The following VPS26A variants were observed in gnomAD, a reference collection of about 807,000 sequenced individuals.
VPS26A encodes the protein vacuolar protein sorting-associated protein 26A.
VPS26A carries 22 observed loss-of-function variants against 42.4 expected under a neutral mutation model. The observed-to-expected ratio is 0.52, with a 90% CI of 0.37 to 0.74. VPS26A has a LOEUF of 0.74. VPS26A is among the 30% of genes least tolerant of loss of function. The probability of loss-of-function intolerance (pLI) is 0.00; values close to 1 mark genes in which losing one functional copy is unlikely to be tolerated. For synonymous variants in VPS26A, 110 were observed against 123.5 expected (o/e 0.89, Z 0.73); for missense variants, 276 against 379.2 (o/e 0.73, Z 2.26).
At chr10:69,161,346 G>A (rs2132231843) in intron 5 of VPS26A, among the ~76,000 whole-genome samples, 1 of 152,254 alleles carries the variant, frequency 6.6e-6, no homozygotes, top group Admixed American at 6.5e-5. Flanking sequence ...ATAGGTGTGA[G>A]CCACTGAGCC....
intron 7 of VPS26A, among the ~76,000 whole-genome samples, 187 bp from the exon 8 acceptor site, chr10:69,168,302 C>T (rs955929316): frequency 3.9e-5 from 6 of 152,102 alleles, no homozygotes; most frequent in East Asian, 1.9e-4. Context: ...AGGATAGGAC[C>T]CTCCCCACAA....
intron 2 of VPS26A, among the ~76,000 whole-genome samples, chr10:69,155,348 C>T (rs1179484181): frequency 6.6e-6 from 1 of 152,150 alleles, no homozygotes; most frequent in Non-Finnish European, 1.5e-5. Context: ...AATTTCTGAG[C>T]ATTGTCCATA....
intron 4 of VPS26A, 114 bp from the exon 5 acceptor site, chr10:69,157,933 C>A: frequency 1.1e-6 from 1 of 906,726 alleles, no homozygotes; most frequent in Non-Finnish European, 1.6e-6. Flanking sequence ...AAGTTGATCC[C>A]AAAGGAGTTC....
In VPS26A at chr10:69,158,150, A is replaced by G. The variant is rs1167161130; in HGVS notation, c.490A>G (p.Ile164Val). 1.7e-5 allele frequency: 27 copies of G among 1,612,622 alleles called. No individual in the cohort carries two copies. The highest frequency in any genetic ancestry group is 2.7e-5 in the African/African-American group (2 of 74,892). Residue 164 changes from isoleucine (I) to valine (V), a missense_variant, in exon 5 of 9, where the codon ATT becomes GTT. By Grantham distance (29) the Ile-to-Val change is conservative (BLOSUM62 3). Coordinates refer to ENST00000263559, the MANE Select transcript of VPS26A (RefSeq NM_004896.5). ...LATYPDVNNS[I>V]KMEVGIEDCL... Reference sequence around the variant, plus strand: ...CACCTATCCTGATGTTAACAACTCTATTAAGATGGAAGTGGGCATTGAAGA... The same window carrying G: ...CACCTATCCTGATGTTAACAACTCTGTTAAGATGGAAGTGGGCATTGAAGA...
In VPS26A at chr10:69,171,384, A is replaced by T; in HGVS notation, c.*115A>T. The T allele has an allele frequency of 1.3e-6, 1 of 749,858 alleles. No individual in the cohort carries two copies. The highest frequency in any genetic ancestry group is 2.2e-6 in the Non-Finnish European group (1 of 449,454). The allele number at this position is 749,858 out of a possible 1,614,324, so 46.5% of individuals were successfully genotyped here. A position where few individuals can be genotyped will look rare whatever the true frequency, so the allele number is the denominator to read the frequency against. The stretch of plus-strand genomic sequence containing the variant: ...GCGGAAAAAGGCCAAAACTCCATAT[A>T]TGTTAGTCTTCCTTTATCTTACAGC... On this transcript the variant is annotated 3_prime_UTR_variant, in exon 9 of 9. Transcript: ENST00000263559.
intron 2 of VPS26A, among the ~76,000 whole-genome samples, chr10:69,152,655 G>C (rs1031595062): frequency 6.6e-6 from 1 of 152,092 alleles, no homozygotes; most frequent in Non-Finnish European, 1.5e-5. Context: ...GCTTTTAAAA[G>C]TTACATTACC....
intron 2 of VPS26A, among the ~76,000 whole-genome samples, chr10:69,151,285 A>AAAAAAAAAAAAAAC: frequency 7.6e-6 from 1 of 131,598 alleles, no homozygotes; most frequent in Non-Finnish European, 1.6e-5. Flanking sequence ...AAAAAAAAAC[A>AAAAAAAAAAAAAAC]CACACACACA....
At chr10:69,167,136 A>G (rs1280194134) in intron 7 of VPS26A, among the ~76,000 whole-genome samples, 1 of 150,668 alleles carries the variant, frequency 6.6e-6, no homozygotes, top group Non-Finnish European at 1.5e-5. Context: ...CAAAAAAAAA[A>G]AAAAATTCAG....
Position 69,143,669 on chromosome 10 carries a change from C to T in VPS26A, c.153+10622C>T, listed in dbSNP as rs1841093131. On this transcript the variant is annotated intron_variant, in intron 2 of 8. Coordinates refer to ENST00000263559, the MANE Select transcript of VPS26A (RefSeq NM_004896.5). ...TTCCTTTAGTTATTGTTCAAGAACC[C>T]TGGGTTTTGAGTCTTTATCACCCAG... Among the ~76,000 whole-genome samples, 3 of 152,072 alleles carry T rather than the reference C, an allele frequency of 2.0e-5. No individual in the cohort carries two copies. In the South Asian group the frequency reaches 6.2e-4, roughly 31 times the overall value.
intron 2 of VPS26A, among the ~76,000 whole-genome samples, chr10:69,136,274 T>C (rs111778890): frequency 2.6e-3 from 400 of 151,616 alleles, no homozygotes; most frequent in African/African-American, 7.9e-3. Flanking sequence ...CTTTTCTTTT[T>C]TTTTTTTTGA....
intron 1 of VPS26A, among the ~76,000 whole-genome samples, chr10:69,129,553 T>C (rs559680074): frequency 7.8e-6 from 1 of 129,016 alleles, no homozygotes; most frequent in Non-Finnish European, 1.6e-5. Context: ...GAAAAAAAAA[T>C]TTTTTTTTTT....
intron 2 of VPS26A, among the ~76,000 whole-genome samples, chr10:69,149,397 C>T (rs1197454533): frequency 6.6e-6 from 1 of 152,040 alleles, no homozygotes; most frequent in African/African-American, 2.4e-5. Context: ...TTAAATAAGT[C>T]AGGGTCAAGA....
intron 2 of VPS26A, among the ~76,000 whole-genome samples, chr10:69,151,278 A>AAAAAAAAAAAAAC (rs1554854474): frequency 1.8e-5 from 1 of 56,332 alleles, no homozygotes; most frequent in African/African-American, 6.0e-5. Flanking sequence ...AAAAAAAAAA[A>AAAAAAAAAAAAAC]AAAAACACAC....
intron 4 of VPS26A, 68 bp downstream of exon 4, chr10:69,157,231 T>C (rs2132226888): frequency 1.4e-6 from 2 of 1,475,738 alleles, no homozygotes; most frequent in African/African-American, 1.4e-5. Flanking sequence ...GTTGATATCT[T>C]ATTTGAACCT....
At position 69,171,426 on chromosome 10, in the gene VPS26A, G is replaced by T; in HGVS notation, c.*157G>T. The T allele has an allele frequency of 3.6e-6, 2 of 559,662 alleles. No individual in the cohort carries two copies. The highest frequency in any genetic ancestry group is 3.8e-5 in the Admixed American group (1 of 26,132). 34.7% of individuals were successfully genotyped at this position (559,662 alleles called of 1,614,324 possible). On this transcript the variant is annotated 3_prime_UTR_variant, in exon 9 of 9. Coordinates refer to ENST00000263559, the MANE Select transcript of VPS26A (RefSeq NM_004896.5). ...TCTTACAGCGCAGCATTTATTTTAT[G>T]ATATAATGAAATGTTCGTTCATGTA...
intron 1 of VPS26A, among the ~76,000 whole-genome samples, chr10:69,125,614 TA>T (rs1320052581): frequency 1.3e-5 from 2 of 152,268 alleles, no homozygotes; most frequent in African/African-American, 4.8e-5. Context: ...TTATTACTTT[TA>T]ATACGCTTTT....
chr10:69,146,386 A>G (rs1382240365), intron 2 of VPS26A, among the ~76,000 whole-genome samples: 1 of 152,220 alleles, frequency 6.6e-6, no homozygotes, highest in East Asian at 1.9e-4. Context: ...TGCCTGGTCA[A>G]CACTTAATTC....
chr10:69,140,378 T>G (rs1206318715), intron 2 of VPS26A, among the ~76,000 whole-genome samples: 4 of 151,430 alleles, frequency 2.6e-5, no homozygotes, highest in Non-Finnish European at 5.9e-5. Flanking sequence ...TCTCCTGAAC[T>G]TTTTGTCTTT....
Position 69,124,301 on chromosome 10 carries a change from G to C in VPS26A, c.3+21G>C, listed in dbSNP as rs753711573. 35 of 1,249,408 alleles carry C rather than the reference G, an allele frequency of 2.8e-5. No homozygotes were observed. The East Asian group carries it at 2.8e-4, about 10-fold the overall frequency. 77.4% of individuals were successfully genotyped at this position (1,249,408 alleles called of 1,614,324 possible). A position where few individuals can be genotyped will look rare whatever the true frequency, so the allele number is the denominator to read the frequency against. On this transcript the variant is annotated intron_variant, in intron 1 of 8. Transcript: ENST00000263559. ...CAATGGTGAGTGCGCGGCGGCCAGC[G>C]CGCTCGCCTCCCGCCCTCGTCCCGG...
Sources: allele counts gnomAD v4.1 joint callset (sites outside exome capture counted in the v4.1 genomes callset), GRCh38; gene constraint gnomAD v4.1.1; transcripts MANE v1.5; gene names NCBI Gene and HGNC (gene_info 2026-07-23, HGNC 2026-07-21).